Variants in RCOR2 observed in about 807,000 individuals in gnomAD.
RCOR2 encodes REST corepressor 2.
Under a neutral mutation model 58.9 loss-of-function variants are expected in RCOR2, and 19 were observed. That is an observed-to-expected ratio of 0.32 (90% CI 0.23 to 0.47). The LOEUF (loss-of-function observed/expected upper bound fraction) is 0.47. Ranked by LOEUF, RCOR2 falls within the 20% of genes least tolerant of loss-of-function variation. The pLI is 1.00. For missense variants in RCOR2, 590 were observed against 707.9 expected (o/e 0.83, Z 1.89); for synonymous variants, 286 against 278.7 (o/e 1.03, Z -0.26).
chr11:63,915,236 G>A lies in RCOR2; in HGVS notation c.207C>T (p.Asn69=). 6.4e-7 allele frequency: 1 copy of A among 1,551,412 alleles called. No homozygotes were observed. ...CKPESPARYS[N]KELKGMLVWS... is the part of the protein sequence containing the mutation. ...ACACCAGCATCCCCTTCAGCTCCTTGTTGCTGTAGCGTGCGGGGCTCTCTG... is the reference window on the plus strand; with the variant it reads ...ACACCAGCATCCCCTTCAGCTCCTTATTGCTGTAGCGTGCGGGGCTCTCTG... Residue 69 remains asparagine, a synonymous_variant, in exon 3 of 12, where the codon AAC becomes AAT. Coordinates refer to ENST00000301459, the MANE Select transcript of RCOR2 (RefSeq NM_173587.4).
At chr11:63,925,834 A>G in the RCOR2 span, among the ~76,000 whole-genome samples, 6 of 151,048 alleles carry the variant, frequency 4.0e-5, no homozygotes, top group Non-Finnish European at 7.4e-5. Context: ...CTGAGGCATG[A>G]GAATCACCTG....
At position 63,914,791 on chromosome 11, in the gene RCOR2, T is replaced by G; in HGVS notation, c.344A>C (p.Lys115Thr). The G allele has an allele frequency of 6.2e-7, 1 of 1,611,512 alleles. No individual in the cohort carries two copies. Among genetic ancestry groups the G allele is most frequent in the Non-Finnish European group, 8.5e-7 (1 of 1,178,760 alleles). ...EQALGMLLWHKHDVEKSLADL... is the reference protein window; with the variant it reads ...EQALGMLLWHTHDVEKSLADL... ...GGCCAGCGACTTCTCCACATCGTGC[T>G]TATGCCACAGAAGCATGCCCAGCGC... Residue 115 changes from lysine (K) to threonine (T), a missense_variant, in exon 5 of 12, where the codon AAG becomes ACG. Transcript: ENST00000301459.
At chr11:63,913,820 C>T (rs1279631466) in intron 8 of RCOR2, 134 bp downstream of exon 8, 2 of 861,388 alleles carry the variant, frequency 2.3e-6, no homozygotes, top group Non-Finnish European at 3.8e-6. Context: ...AAAAGAACAC[C>T]ACATTACTCA....
the RCOR2 span, among the ~76,000 whole-genome samples, chr11:63,924,033 C>T: frequency 1.3e-5 from 2 of 151,322 alleles, no homozygotes; most frequent in African/African-American, 2.4e-5. Flanking sequence ...CTCAGCCTCC[C>T]GAGTAGCTGG....
chr11:63,923,667 T>C, the RCOR2 span, among the ~76,000 whole-genome samples: 1 of 152,150 alleles, frequency 6.6e-6, no homozygotes, highest in Admixed American at 6.6e-5. Context: ...TGTGGGTCCT[T>C]TGGGCTCCAT....
chr11:63,914,100 G>T lies in RCOR2; in HGVS notation c.745C>A (p.Arg249Ser). 6.2e-7 allele frequency: 1 copy of T among 1,613,890 alleles called. No homozygotes were observed. Among genetic ancestry groups the T allele is most frequent in the Non-Finnish European group, 8.5e-7 (1 of 1,180,018 alleles). ...GKKEVQVSQYRHHPLRTRRRP... is the reference protein window; with the variant it reads ...GKKEVQVSQYSHHPLRTRRRP... ...CGCCGGGTTCGCAAGGGATGGTGGCGGTACTGAGACACCTGGACCTCCTTT... is the reference window on the plus strand; with the variant it reads ...CGCCGGGTTCGCAAGGGATGGTGGCTGTACTGAGACACCTGGACCTCCTTT... Residue 249 changes from arginine to serine, a missense_variant, in exon 8 of 12, where the codon CGC (arginine) becomes AGC (serine). Physicochemically the swap from Arg to Ser is moderately radical, Grantham distance 110. Coordinates refer to ENST00000301459, the MANE Select transcript of RCOR2 (RefSeq NM_173587.4).
In RCOR2 at chr11:63,916,342, C is replaced by G. The variant is rs748764963; in HGVS notation, c.115G>C (p.Glu39Gln). The change falls in exon 1 of 12, where the codon GAG (glutamate) becomes CAG (glutamine). Residue 39 changes from glutamate to glutamine, a missense_variant. Coordinates refer to ENST00000301459, the MANE Select transcript of RCOR2 (RefSeq NM_173587.4). The stretch of plus-strand genomic sequence containing the variant: ...CCACCGGGCTCACCGTGCGAGTGCT[C>G]CTCCTCGCTGCTGTCATCCTCCGAG... ...PHSEDDSSEEEHSHDSMIRVG... is the reference protein window; with the variant it reads ...PHSEDDSSEEQHSHDSMIRVG... The G allele has an allele frequency of 6.2e-7, 1 of 1,606,008 alleles. No homozygotes were observed. Among genetic ancestry groups the G allele is most frequent in the Non-Finnish European group, 8.5e-7 (1 of 1,177,408 alleles).
the RCOR2 span, among the ~76,000 whole-genome samples, chr11:63,926,435 C>T: frequency 0.051 from 7,785 of 151,674 alleles, 703 homozygotes; most frequent in African/African-American, 0.18. Context: ...TTTATATATA[C>T]AATACCTGGA....
At chr11:63,913,664 G>A (rs1051616633) in intron 8 of RCOR2, among the ~76,000 whole-genome samples, 5 of 152,076 alleles carry the variant, frequency 3.3e-5, no homozygotes, top group Non-Finnish European at 5.9e-5. Context: ...TGTATTTTTA[G>A]TAGAGACAGG....
chr11:63,912,592 AC>A (rs1941786459), intron 10 of RCOR2, 58 bp from the exon 11 acceptor site: 1 of 1,589,918 alleles, frequency 6.3e-7, no homozygotes, highest in Admixed American at 1.7e-5. Context: ...TACTTCCCTG[AC>A]CCTTCCCCTC....
upstream of RCOR2, among the ~76,000 whole-genome samples, chr11:63,919,306 C>T (rs1341051430): frequency 6.6e-6 from 1 of 152,036 alleles, no homozygotes; most frequent in East Asian, 1.9e-4. Context: ...CTGCTACAGC[C>T]GCCCCCTCCC....
At chr11:63,913,161 T>TC (rs1233689756) in intron 8 of RCOR2, among the ~76,000 whole-genome samples, 1 of 59,780 alleles carries the variant, frequency 1.7e-5, no homozygotes, top group Non-Finnish European at 3.8e-5. Flanking sequence ...ATTTTTATTT[T>TC]TTATATATAT....
the RCOR2 span, among the ~76,000 whole-genome samples, chr11:63,924,397 C>CG: frequency 2.6e-5 from 4 of 152,048 alleles, no homozygotes; most frequent in African/African-American, 4.8e-5. Flanking sequence ...TTAGTAGAGA[C>CG]GGGGTTTCAC....
intron 1 of RCOR2, 110 bp from the exon 2 acceptor site, chr11:63,915,721 G>A: frequency 1.1e-6 from 1 of 924,232 alleles, no homozygotes; most frequent in Non-Finnish European, 1.7e-6. Flanking sequence ...GACCACCCAG[G>A]GCCCCCACCT....
chr11:63,916,543 C>CGGCCT lies in RCOR2; in HGVS notation c.-92_-88dup. The CGGCCT allele has an allele frequency of 6.7e-7, 1 of 1,487,146 alleles. No homozygotes were observed. The highest frequency in any genetic ancestry group is 8.9e-7 in the Non-Finnish European group (1 of 1,120,872). The allele number at this position is 1,487,146 out of a possible 1,614,324, so 92.1% of individuals were successfully genotyped here. ...CTCGCTCCGAGTGCCGAGCCCGGCC[C>CGGCCT]GGCCTGGAGAGGTCGCCACTGAGGT... is the stretch of plus-strand genomic sequence containing the variant. On this transcript the variant is annotated 5_prime_UTR_variant, in exon 1 of 12. Transcript: ENST00000301459.
At position 63,914,635 on chromosome 11, in the gene RCOR2, T is replaced by G. The variant is rs1489191445; in HGVS notation, c.480+20A>C. 1.9e-6 allele frequency: 3 copies of G among 1,601,416 alleles called. No individual in the cohort carries two copies. Among genetic ancestry groups the G allele is most frequent in the East Asian group, 2.2e-5 (1 of 44,688 alleles). On this transcript the variant is annotated intron_variant, in intron 5 of 11. Coordinates refer to ENST00000301459, the MANE Select transcript of RCOR2 (RefSeq NM_173587.4). ...GGAGGGGCAGAGGAGCGCCGGGGAG[T>G]GGGGGTGGAAGGGCTTTACCATCTG...
chr11:63,914,079 G>T lies in RCOR2; in HGVS notation c.766C>A (p.Arg256=). ...SQYRHHPLRT[R]RRPPKGMYLS... is the part of the protein sequence containing the mutation. ...TACATGCCCTTGGGTGGGCGACGCC[G>T]GGTTCGCAAGGGATGGTGGCGGTAC... Residue 256 remains arginine, a synonymous_variant, in exon 8 of 12, where the codon CGG becomes AGG. Coordinates refer to ENST00000301459, the MANE Select transcript of RCOR2 (RefSeq NM_173587.4). The T allele has an allele frequency of 6.2e-7, 1 of 1,613,982 alleles. No homozygotes were observed. Among genetic ancestry groups the T allele is most frequent in the Non-Finnish European group, 8.5e-7 (1 of 1,180,038 alleles).
At chr11:63,922,395 C>A in the RCOR2 span, among the ~76,000 whole-genome samples, 1 of 152,154 alleles carries the variant, frequency 6.6e-6, no homozygotes, top group African/African-American at 2.4e-5. Context: ...CTCTGTTGCC[C>A]AGGCTGAAAT....
chr11:63,913,204 GAGA>G (rs1254902770), intron 8 of RCOR2, among the ~76,000 whole-genome samples: 77 of 34,410 alleles, frequency 2.2e-3, no homozygotes, highest in African/African-American at 0.01. Flanking sequence ...TTTTTTTTTT[GAGA>G]AGGAGTTTTA....
Sources: gnomAD v4.1 joint callset for allele counts (sites outside exome capture counted in the v4.1 genomes callset) on GRCh38, gnomAD v4.1.1 for gene constraint, MANE v1.5 for transcripts, NCBI Gene and HGNC (gene_info 2026-07-23, HGNC 2026-07-21) for gene names.